Variants in MAML3 observed in about 807,000 individuals in gnomAD.
MAML3 encodes the protein mastermind like transcriptional coactivator 3, also known as mastermind-like protein 3.
MAML3 carries 27 observed loss-of-function variants against 101.9 expected under a neutral mutation model. The observed-to-expected ratio is 0.27, with a 90% CI of 0.20 to 0.37. MAML3 has a LOEUF of 0.37. MAML3 is among the 10% of genes least tolerant of loss of function. The probability of loss-of-function intolerance (pLI) is 1.00; values close to 1 mark genes in which losing one functional copy is unlikely to be tolerated. For missense variants in MAML3, 1,316 were observed against 1,444.9 expected, an observed-to-expected ratio of 0.91 and a Z score of 1.45; for synonymous variants, 501 against 555.9, an observed-to-expected ratio of 0.90 and a Z score of 1.39.
chr4:139,846,821 T>C (rs1006775260), intron 2 of MAML3, among the ~76,000 whole-genome samples: 3 of 152,212 alleles, frequency 2.0e-5, no homozygotes, highest in African/African-American at 7.2e-5. Context: ...TCCTTTAATT[T>C]AGAAAATCAA....
chr4:140,051,489 G>A (rs932303084), intron 1 of MAML3, among the ~76,000 whole-genome samples: 11 of 151,742 alleles, frequency 7.2e-5, no homozygotes, highest in African/African-American at 1.2e-4. Context: ...TCCAGGAGGC[G>A]GAGGTTGCAG....
At chr4:140,010,450 C>T (rs1726531399) in intron 1 of MAML3, among the ~76,000 whole-genome samples, 1 of 152,124 alleles carries the variant, frequency 6.6e-6, no homozygotes, top group Admixed American at 6.5e-5. Context: ...TTGGTATAGT[C>T]ATATTTGCTT....
chr4:140,014,027 G>A (rs1418192591), intron 1 of MAML3, among the ~76,000 whole-genome samples: 2 of 152,176 alleles, frequency 1.3e-5, no homozygotes, highest in Admixed American at 6.5e-5. Context: ...AAAGCCAATC[G>A]CTGCAGGAGC....
intron 1 of MAML3, among the ~76,000 whole-genome samples, chr4:140,086,020 T>C (rs911789171): frequency 2.0e-5 from 3 of 152,264 alleles, no homozygotes; most frequent in African/African-American, 7.2e-5. Flanking sequence ...AAAACTCATG[T>C]AAACTTTCCA....
intron 2 of MAML3, among the ~76,000 whole-genome samples, chr4:139,752,774 GA>G (rs1729542197): frequency 6.6e-6 from 1 of 151,590 alleles, no homozygotes; most frequent in African/African-American, 2.4e-5. Context: ...GATTATAGAA[GA>G]AAAAAAAGCT....
At chr4:139,891,312 TC>T (rs1352177597) in intron 1 of MAML3, among the ~76,000 whole-genome samples, 1 of 152,230 alleles carries the variant, frequency 6.6e-6, no homozygotes, top group Non-Finnish European at 1.5e-5. Context: ...GGAGTCTTGC[TC>T]TGTTGCCCAG....
chr4:140,002,892 C>T (rs1054362513), intron 1 of MAML3, among the ~76,000 whole-genome samples: 1 of 152,226 alleles, frequency 6.6e-6, no homozygotes, highest in African/African-American at 2.4e-5. Context: ...ACCTACTTTA[C>T]CAGCAGCAGT....
Position 139,889,849 on chromosome 4 carries a change from T to A in MAML3, c.1587A>T (p.Gly529=), listed in dbSNP as rs775241357. The A allele has an allele frequency of 6.2e-7, 1 of 1,613,808 alleles. No individual in the cohort carries two copies. Among genetic ancestry groups the A allele is most frequent in the Non-Finnish European group, 8.5e-7 (1 of 1,179,880 alleles). Residue 529 remains glycine (G), a synonymous_variant, in exon 2 of 5, where the codon GGA becomes GGT. Transcript: ENST00000509479. Reference sequence around the variant, plus strand: ...TTGGTTTTTCTGCAGTAAAAGCTGCTCCATATGGACTAGAGGGAGGTCCTA... The same window carrying A: ...TTGGTTTTTCTGCAGTAAAAGCTGCACCATATGGACTAGAGGGAGGTCCTA... ...SPLGPPSSPY[G]AAFTAEKPNS... is the part of the protein sequence containing the mutation.
intron 1 of MAML3, chr4:140,134,359 C>G (rs1408450964): frequency 2.2e-6 from 1 of 456,658 alleles, no homozygotes. Context: ...AAAACAGAAC[C>G]CCAATCATTT....
rs111901998 is a variant in MAML3 at position 139,736,168 on chromosome 4, T to A, written c.2080-5501A>T. Among the ~76,000 whole-genome samples the A allele has an allele frequency of 4.0e-3, 613 of 151,830 alleles. 1 individual carries two copies. The highest frequency in any genetic ancestry group is 7.7e-3 in the African/African-American group (317 of 41,392). The stretch of plus-strand genomic sequence containing the variant: ...CTGAATTGGGTCAAGTAAAAAAAAA[T>A]TTTTTTTAAAGGAAGGAATCTTTAG... On this transcript the variant is annotated intron_variant, in intron 2 of 4. Transcript: ENST00000509479.
At chr4:139,946,459 G>C (rs576751371) in intron 1 of MAML3, among the ~76,000 whole-genome samples, 100 of 151,198 alleles carry the variant, frequency 6.6e-4, no homozygotes, top group Middle Eastern at 3.4e-3. Context: ...TTTTTTTTTT[G>C]TTAAGCACAC....
At chr4:139,963,663 T>G (rs964831397) in intron 1 of MAML3, among the ~76,000 whole-genome samples, 1 of 152,224 alleles carries the variant, frequency 6.6e-6, no homozygotes, top group Non-Finnish European at 1.5e-5. Flanking sequence ...GAAGTAACTA[T>G]TCTTGTTCAA....
chr4:139,971,902 G>T (rs1051798266), intron 1 of MAML3, among the ~76,000 whole-genome samples: 1 of 152,092 alleles, frequency 6.6e-6, no homozygotes, highest in African/African-American at 2.4e-5. Context: ...ATCAGCAGTG[G>T]GCGTGGCTCA....
rs532689836 is a variant in MAML3, at chr4:140,151,080, G to C, written c.468+1780C>G. ...GCCACGGGGCGCAGCACCCCTCCCA[G>C]CCCAGCGGCCCCGGGGTCTGAGCTG... is the stretch of plus-strand genomic sequence containing the variant. On this transcript the variant is annotated intron_variant, in intron 1 of 4. Coordinates refer to ENST00000509479, the MANE Select transcript of MAML3 (RefSeq NM_018717.5). 3.2e-3 allele frequency among the ~76,000 whole-genome samples: 493 copies of C among 152,244 alleles called. 1 individual carries two copies. Among genetic ancestry groups the C allele is most frequent in the African/African-American group, 0.011 (476 of 41,568 alleles).
intron 1 of MAML3, among the ~76,000 whole-genome samples, chr4:139,978,853 A>G (rs1734394028): frequency 6.6e-6 from 1 of 152,146 alleles, no homozygotes; most frequent in South Asian, 2.1e-4. Context: ...ATAGCAGGAA[A>G]CGGATTTGCC....
At chr4:140,006,737 T>C (rs1372171825) in intron 1 of MAML3, among the ~76,000 whole-genome samples, 1 of 152,152 alleles carries the variant, frequency 6.6e-6, no homozygotes, top group Non-Finnish European at 1.5e-5. Context: ...GCTAACTGCA[T>C]CCAACCATAG....
intron 1 of MAML3, among the ~76,000 whole-genome samples, chr4:140,123,801 T>A (rs1728645084): frequency 6.6e-6 from 1 of 152,120 alleles, no homozygotes; most frequent in African/African-American, 2.4e-5. Context: ...AATAATAAAA[T>A]GAAGTTGGGG....
chr4:139,993,087 T>A (rs1358083429), intron 1 of MAML3, among the ~76,000 whole-genome samples: 1 of 152,160 alleles, frequency 6.6e-6, no homozygotes. Flanking sequence ...CACAGTGGCT[T>A]ATGCCTGTAA....
At chr4:140,068,412 A>G (rs1309765312) in intron 1 of MAML3, among the ~76,000 whole-genome samples, 1 of 152,174 alleles carries the variant, frequency 6.6e-6, no homozygotes, top group African/African-American at 2.4e-5. Flanking sequence ...TCACAAAGGA[A>G]TTTTCAAAGA....
Sources: allele counts gnomAD v4.1 joint callset (sites outside exome capture counted in the v4.1 genomes callset), GRCh38; gene constraint gnomAD v4.1.1; transcripts MANE v1.5; gene names NCBI Gene and HGNC (gene_info 2026-07-23, HGNC 2026-07-21).